UBASH3A: variants seen among roughly 807,000 people sequenced by gnomAD.
The protein encoded by UBASH3A is ubiquitin-associated and SH3 domain-containing protein A.
A neutral mutation model predicts 73.5 loss-of-function variants in UBASH3A; 63 were observed. The ratio of observed to expected loss-of-function variants is 0.86; its 90% CI spans 0.70 to 1.06. The LOEUF is 1.06. Among genes scored for constraint, UBASH3A ranks in the 50% least tolerant of loss-of-function variants. The probability of loss-of-function intolerance (pLI) is 0.00; values close to 1 mark genes in which losing one functional copy is unlikely to be tolerated. For synonymous variants in UBASH3A, 363 were observed against 351.1 expected (o/e 1.03, Z -0.38); for missense variants, 860 against 859.0 (o/e 1.00, Z -0.02).
In UBASH3A at chr21:42,446,173, T is replaced by C. The variant is rs372344968; in HGVS notation, c.1849-884T>C. 3.3e-5 allele frequency among the ~76,000 whole-genome samples: 5 copies of C among 152,294 alleles called. No homozygotes were observed. In the East Asian group the frequency reaches 5.8e-4, roughly 18 times the overall value. On this transcript the variant is annotated intron_variant, in intron 14 of 14. Coordinates refer to ENST00000319294, the MANE Select transcript of UBASH3A (RefSeq NM_018961.4). ...TCCTTGGACCCTTCACCCCCTTCCA[T>C]AGATGCCAATCTTGAACTTCCAAAC... is the stretch of plus-strand genomic sequence containing the variant.
rs1266773336 is a variant in UBASH3A, at chr21:42,437,621, C to A, written c.1486+41C>A. The A allele has an allele frequency of 1.9e-6, 3 of 1,563,064 alleles. No individual in the cohort carries two copies. In the East Asian group the frequency reaches 6.7e-5, roughly 35 times the overall value. On this transcript the variant is annotated intron_variant, in intron 11 of 14. Coordinates refer to ENST00000319294, the MANE Select transcript of UBASH3A (RefSeq NM_018961.4). The stretch of plus-strand genomic sequence containing the variant: ...GGTGAGCCTCTCCTACTGCCTTGAC[C>A]TTGGGGCTATTCTCCAAGGGGAGTG...
Position 42,416,620 on chromosome 21 carries a change from G to A in UBASH3A, c.837+9G>A, listed in dbSNP as rs779007822. Reference sequence around the variant, plus strand: ...GCTTTGTGCACTACCAGGTGAGAGAGCTGAGCAGGGGCTCATAAGAAGCAG... The same window carrying A: ...GCTTTGTGCACTACCAGGTGAGAGAACTGAGCAGGGGCTCATAAGAAGCAG... On this transcript the variant is annotated intron_variant, in intron 6 of 14. Coordinates refer to ENST00000319294, the MANE Select transcript of UBASH3A (RefSeq NM_018961.4). 45 of 1,553,350 alleles carry A rather than the reference G, an allele frequency of 2.9e-5. No individual in the cohort carries two copies. Among genetic ancestry groups the A allele is most frequent in the Middle Eastern group, 1.7e-4 (1 of 5,934 alleles).
intron 5 of UBASH3A, among the ~76,000 whole-genome samples, chr21:42,414,126 T>A (rs2053155703): frequency 2.6e-5 from 4 of 152,320 alleles, no homozygotes; most frequent in South Asian, 2.1e-4. Flanking sequence ...GCACTCAGTA[T>A]TGCTGAGATT....
In UBASH3A at chr21:42,426,985, C is replaced by CA. The variant is rs1555867050; in HGVS notation, c.1170+165_1170+166insA. The stretch of plus-strand genomic sequence containing the variant: ...GGGGGCCTCCCAGGTCTGAGGGTGC[C>CA]GGGGGTCCTGCCCTGGTCTGTCTGC... On this transcript the variant is annotated intron_variant, in intron 8 of 14. Transcript: ENST00000319294. Among the ~76,000 whole-genome samples, 387 of 152,264 alleles carry CA rather than the reference C, an allele frequency of 2.5e-3. 1 individual carries two copies. The highest frequency in any genetic ancestry group is 8.1e-3 in the African/African-American group (335 of 41,546).
At chr21:42,418,820 T>C (rs1030575555) in intron 7 of UBASH3A, among the ~76,000 whole-genome samples, 2 of 152,226 alleles carry the variant, frequency 1.3e-5, no homozygotes, top group Non-Finnish European at 2.9e-5. Flanking sequence ...TGAATTACTC[T>C]GCATTAGAGT....
At chr21:42,427,714 C>T (rs2053462490) in intron 8 of UBASH3A, among the ~76,000 whole-genome samples, 2 of 152,154 alleles carry the variant, frequency 1.3e-5, no homozygotes, top group Non-Finnish European at 2.9e-5. Flanking sequence ...ACGGCCAGGC[C>T]CCTGGTGCGG....
intron 8 of UBASH3A, among the ~76,000 whole-genome samples, chr21:42,427,849 G>T (rs2053464723): frequency 6.6e-6 from 1 of 152,206 alleles, no homozygotes; most frequent in Non-Finnish European, 1.5e-5. Flanking sequence ...GCCGGGACTT[G>T]TCAGTGGCTC....
chr21:42,415,206 G>A (rs1278280301), intron 5 of UBASH3A, among the ~76,000 whole-genome samples: 5 of 152,230 alleles, frequency 3.3e-5, no homozygotes, highest in East Asian at 1.9e-4. Flanking sequence ...TTCAGAAGTC[G>A]GTGTGACTCA....
intron 7 of UBASH3A, among the ~76,000 whole-genome samples, chr21:42,421,591 C>T (rs936342672): frequency 6.6e-6 from 1 of 152,202 alleles, no homozygotes; most frequent in African/African-American, 2.4e-5. Flanking sequence ...TGGACATTTG[C>T]TGTGGACTTC....
intron 6 of UBASH3A, 30 bp downstream of exon 6, chr21:42,416,641 A>T (rs1194343261): frequency 6.7e-7 from 1 of 1,490,492 alleles, no homozygotes; most frequent in Non-Finnish European, 9.0e-7. Context: ...GCTCATAAGA[A>T]GCAGATGAAT....
At chr21:42,407,094 C>T (rs1462895836) in intron 2 of UBASH3A, among the ~76,000 whole-genome samples, 1 of 152,076 alleles carries the variant, frequency 6.6e-6, no homozygotes, top group Non-Finnish European at 1.5e-5. Context: ...GTACCAGCTG[C>T]GTGAGTGATT....
chr21:42,427,550 A>T (rs2053459545), intron 8 of UBASH3A, among the ~76,000 whole-genome samples: 1 of 152,194 alleles, frequency 6.6e-6, no homozygotes, highest in African/African-American at 2.4e-5. Flanking sequence ...CAATCGACAC[A>T]GGAGGCGCTA....
At chr21:42,438,007 G>A (rs181951125) in intron 11 of UBASH3A, among the ~76,000 whole-genome samples, 13 of 152,338 alleles carry the variant, frequency 8.5e-5, no homozygotes, top group African/African-American at 3.1e-4. Flanking sequence ...GGGCTGATGT[G>A]TGTCAGGAAG....
At chr21:42,443,052 A>G (rs2053776141) in intron 12 of UBASH3A, 3 of 1,142,672 alleles carry the variant, frequency 2.6e-6, no homozygotes, top group South Asian at 5.3e-5. Flanking sequence ...TCAAGGAGAG[A>G]GTCTTTGTCA....
At chr21:42,405,269 A>T (rs557174937) in intron 1 of UBASH3A, among the ~76,000 whole-genome samples, 1 of 152,298 alleles carries the variant, frequency 6.6e-6, no homozygotes, top group Admixed American at 6.5e-5. Flanking sequence ...CAGGCATTAC[A>T]GACAAGGCAG....
At chr21:42,422,845 T>G (rs538416266) in intron 7 of UBASH3A, among the ~76,000 whole-genome samples, 1 of 152,152 alleles carries the variant, frequency 6.6e-6, no homozygotes, top group Admixed American at 6.5e-5. Context: ...TTTCTATACA[T>G]GTGTATGCCT....
intron 8 of UBASH3A, among the ~76,000 whole-genome samples, chr21:42,429,862 C>A (rs2053498823): frequency 1.3e-5 from 2 of 152,168 alleles, no homozygotes; most frequent in Admixed American, 6.5e-5. Flanking sequence ...TTTGAAGACT[C>A]AGCCCAGTGA....
chr21:42,415,066 G>A (rs1035039433), intron 5 of UBASH3A, among the ~76,000 whole-genome samples: 27 of 152,212 alleles, frequency 1.8e-4, no homozygotes, highest in African/African-American at 6.3e-4. Context: ...TGAGTGACCA[G>A]TCACTGCTCT....
In UBASH3A at chr21:42,404,028, T is replaced by G; in HGVS notation, c.83T>G (p.Leu28Arg). Reference protein sequence around the residue: ...SRSSPSLLEPLLAMGFPVHTA... With the variant: ...SRSSPSLLEPRLAMGFPVHTA... ...AGCAGCCCCTCGCTCCTGGAGCCCC[T>G]CCTGGCCATGGGCTTCCCGGTGCAC... is the stretch of plus-strand genomic sequence containing the variant. Residue 28 changes from leucine to arginine, a missense_variant, in exon 1 of 15, where the codon CTC becomes CGC. By Grantham distance (102) the Leu-to-Arg change is moderately radical (BLOSUM62 -2). Coordinates refer to ENST00000319294, the MANE Select transcript of UBASH3A (RefSeq NM_018961.4). 6.6e-7 allele frequency: 1 copy of G among 1,525,546 alleles called. No homozygotes were observed. The highest frequency in any genetic ancestry group is 1.4e-5 in the African/African-American group (1 of 71,786). The allele number at this position is 1,525,546 out of a possible 1,614,324, so 94.5% of individuals were successfully genotyped here.
Sources: allele counts gnomAD v4.1 joint callset (sites outside exome capture counted in the v4.1 genomes callset), GRCh38; gene constraint gnomAD v4.1.1; transcripts MANE v1.5; gene names NCBI Gene and HGNC (gene_info 2026-07-23, HGNC 2026-07-21).